The following LRP12 variants were observed in gnomAD, a reference collection of about 807,000 sequenced individuals.
LRP12 encodes low-density lipoprotein receptor-related protein 12.
In LRP12, 14 loss-of-function variants were observed where a neutral mutation model predicts 66.0. The observed-to-expected ratio is 0.21, with a 90% CI of 0.14 to 0.33. The LOEUF is 0.33. LRP12 is among the 10% of genes least tolerant of loss of function. The pLI, the probability that LRP12 is intolerant of heterozygous loss-of-function variation, is 1.00. For missense variants in LRP12, 889 were observed against 1,053.4 expected (o/e 0.84, Z 2.16); for synonymous variants, 357 against 359.1 (o/e 0.99, Z 0.07).
At chr8:104,588,787 G>T in intron 1 of LRP12, 32 bp downstream of exon 1, 1 of 1,604,910 alleles carries the variant, frequency 6.2e-7, no homozygotes, top group Non-Finnish European at 8.5e-7. Context: ...AGCTTTGTTC[G>T]GTCAGCGGGG....
In LRP12 at chr8:104,489,259, A is replaced by G. The variant is rs1810578240; in HGVS notation, c.*1414T>C. Reference sequence around the variant, plus strand: ...GATTTAAAAAGTACCTCAAGGCAATAAAAAAAATCATTTTAATTTTTGATA... The same window carrying G: ...GATTTAAAAAGTACCTCAAGGCAATGAAAAAAATCATTTTAATTTTTGATA... On this transcript the variant is annotated 3_prime_UTR_variant, in exon 7 of 7. Coordinates refer to ENST00000276654, the MANE Select transcript of LRP12 (RefSeq NM_013437.5). 1 of 152,264 alleles carries G rather than the reference A, an allele frequency of 6.6e-6. No homozygotes were observed. The highest frequency in any genetic ancestry group is 6.6e-5 in the Admixed American group (1 of 15,256). The allele number at this position is 152,264 out of a possible 1,614,324, so 9.4% of individuals were successfully genotyped here.
rs753744307 is a variant in LRP12, at chr8:104,497,034, C to G, written c.1518G>C (p.Leu506=). 2 of 1,587,778 alleles carry G rather than the reference C, an allele frequency of 1.3e-6. No individual in the cohort carries two copies. The highest frequency in any genetic ancestry group is 2.3e-5 in the South Asian group (2 of 86,660). ...AAVIGSLICG[L]LLVIALGCTC... ...TACATCCCAATGCTATGACGAGTAA[C>G]AGGCCACAGATGAGGCTCCCTATGA... Residue 506 remains leucine, a synonymous_variant, in exon 5 of 7, where the codon CTG becomes CTC. Transcript: ENST00000276654. This position sits in a 1 kb window ranked among gnomAD's most constrained non-coding sequence, Gnocchi z 4.3.
chr8:104,548,338 A>ACT (rs1434143400), intron 1 of LRP12, among the ~76,000 whole-genome samples: 1 of 8,766 alleles, frequency 1.1e-4, no homozygotes. Context: ...ATATTATATA[A>ACT]ATATATAAAT....
At chr8:104,581,121 A>G (rs767207578) in intron 1 of LRP12, among the ~76,000 whole-genome samples, 7 of 152,368 alleles carry the variant, frequency 4.6e-5, no homozygotes, top group Non-Finnish European at 1.0e-4. Flanking sequence ...GAACAAGAAC[A>G]TGTCCTTTAC....
At chr8:104,545,232 G>C (rs965962694) in intron 1 of LRP12, among the ~76,000 whole-genome samples, 1 of 152,176 alleles carries the variant, frequency 6.6e-6, no homozygotes, top group African/African-American at 2.4e-5. Flanking sequence ...TAATGGATGA[G>C]GAGTTGTTTT....
chr8:104,552,369 T>TG (rs1564143403), intron 1 of LRP12, among the ~76,000 whole-genome samples: 5 of 151,700 alleles, frequency 3.3e-5, no homozygotes, highest in African/African-American at 1.2e-4. Context: ...ATGTCTTTTT[T>TG]TTGTTGTTTT....
intron 1 of LRP12, among the ~76,000 whole-genome samples, chr8:104,545,086 C>T (rs1013497252): frequency 1.3e-5 from 2 of 152,148 alleles, no homozygotes; most frequent in African/African-American, 4.8e-5. Flanking sequence ...TTCCAACCCT[C>T]ATGTATGACC....
intron 1 of LRP12, among the ~76,000 whole-genome samples, chr8:104,548,410 GA>G (rs1564142355): frequency 2.4e-4 from 19 of 80,374 alleles, no homozygotes; most frequent in African/African-American, 1.4e-3. Flanking sequence ...ATAAATATAT[GA>G]TATATTAATA....
chr8:104,514,714 A>G (rs1811052828), intron 2 of LRP12, among the ~76,000 whole-genome samples: 1 of 152,072 alleles, frequency 6.6e-6, no homozygotes, highest in African/African-American at 2.4e-5. Context: ...AAAGAAAAAC[A>G]AAAAAACCAA....
chr8:104,546,296 T>G (rs531520300), intron 1 of LRP12, among the ~76,000 whole-genome samples: 53 of 152,268 alleles, frequency 3.5e-4, no homozygotes, highest in Non-Finnish European at 6.2e-4. Flanking sequence ...CTTCAAGGGT[T>G]TGATAAGTGC....
chr8:104,589,004 A>C lies in LRP12; in HGVS notation c.-107T>G. 1.9e-6 allele frequency: 1 copy of C among 520,662 alleles called. No homozygotes were observed. The highest frequency in any genetic ancestry group is 3.2e-6 in the Non-Finnish European group (1 of 315,430). 32.3% of individuals were successfully genotyped at this position (520,662 alleles called of 1,614,324 possible). ...CCGCCGCCGCCGCCGCCGCCGAGCC[A>C]CCGGCTGCTCCCTGCGCTCTCCGCG... On this transcript the variant is annotated 5_prime_UTR_variant, in exon 1 of 7. Transcript: ENST00000276654.
At chr8:104,531,656 G>C (rs1811326189) in intron 2 of LRP12, among the ~76,000 whole-genome samples, 1 of 152,018 alleles carries the variant, frequency 6.6e-6, no homozygotes, top group South Asian at 2.1e-4. Flanking sequence ...CTTTTCTCTA[G>C]GTTCAATGTT....
intron 2 of LRP12, among the ~76,000 whole-genome samples, chr8:104,518,067 TAGC>T (rs1322482348): frequency 6.6e-6 from 1 of 152,114 alleles, no homozygotes; most frequent in Non-Finnish European, 1.5e-5. Flanking sequence ...AGGAAAATAA[TAGC>T]AGTTTGAAAA....
At chr8:104,548,265 TG>T (rs1564141973) in intron 1 of LRP12, among the ~76,000 whole-genome samples, 2 of 95,630 alleles carry the variant, frequency 2.1e-5, no homozygotes, top group Admixed American at 1.7e-4. Flanking sequence ...TATTAATATA[TG>T]ATATATATTA....
chr8:104,497,207 A>C lies in LRP12; in HGVS notation c.1345T>G (p.Phe449Val). The C allele has an allele frequency of 6.2e-7, 1 of 1,612,102 alleles. No individual in the cohort carries two copies. Among genetic ancestry groups the C allele is most frequent in the Non-Finnish European group, 8.5e-7 (1 of 1,178,968 alleles). ...CPNGSDEKNC[F>V]FCQPGNFHCK... ...TGGAAATTTCCTGGTTGGCAAAAAAAGCAGTTTTTTTCATCTGAGCCATTT... is the reference window on the plus strand; with the variant it reads ...TGGAAATTTCCTGGTTGGCAAAAAACGCAGTTTTTTTCATCTGAGCCATTT... The change falls in exon 5 of 7, where the codon TTT becomes GTT. Residue 449 changes from phenylalanine (F) to valine (V), a missense_variant. By Grantham distance (50) the Phe-to-Val change is conservative. This residue lies in a region of LRP12 where 800 missense variants were observed against 964.5 expected (regional missense o/e 0.83). Transcript: ENST00000276654. The surrounding 1 kb of genome is among the most constrained non-coding windows in gnomAD (Gnocchi z 4.3).
Position 104,531,039 on chromosome 8 carries a change from T to C in LRP12, c.136+868A>G, listed in dbSNP as rs115006492. ...GTATTTGTTAAGTCTATTAACTTTC[T>C]GAATACAAAGTCAGACATAAAACAA... On this transcript the variant is annotated intron_variant, in intron 2 of 6. Coordinates refer to ENST00000276654, the MANE Select transcript of LRP12 (RefSeq NM_013437.5). Among the ~76,000 whole-genome samples the C allele has an allele frequency of 4.8e-3, 735 of 152,242 alleles. 5 individuals carry two copies. Among genetic ancestry groups the C allele is most frequent in the African/African-American group, 0.017 (719 of 41,552 alleles).
At chr8:104,549,822 A>G (rs1811700563) in intron 1 of LRP12, among the ~76,000 whole-genome samples, 1 of 152,176 alleles carries the variant, frequency 6.6e-6, no homozygotes, top group Admixed American at 6.5e-5. Flanking sequence ...TAATTGACTC[A>G]GCTCTATCTC....
At chr8:104,548,139 AATTAT>A (rs1378202527) in intron 1 of LRP12, among the ~76,000 whole-genome samples, 4 of 95,838 alleles carry the variant, frequency 4.2e-5, no homozygotes, top group African/African-American at 2.0e-4. Flanking sequence ...ATATAATTAT[AATTAT>A]ATTATATATT....
Position 104,498,193 on chromosome 8 carries a change from G to C in LRP12, c.476-117C>G, listed in dbSNP as rs918013363. 3 of 1,052,760 alleles carry C rather than the reference G, an allele frequency of 2.8e-6. No homozygotes were observed. In the South Asian group the frequency reaches 5.5e-5, roughly 19 times the overall value. The allele number at this position is 1,052,760 out of a possible 1,614,324, so 65.2% of individuals were successfully genotyped here. A position where few individuals can be genotyped will look rare whatever the true frequency, so the allele number is the denominator to read the frequency against. On this transcript the variant is annotated intron_variant, in intron 4 of 6. Coordinates refer to ENST00000276654, the MANE Select transcript of LRP12 (RefSeq NM_013437.5). The stretch of plus-strand genomic sequence containing the variant: ...AAATGTTCATAAAGCCCAAGTGCTA[G>C]AAGTTTTAAAAAACAGGTTGGTTTT...
Sources: gnomAD v4.1 joint callset for allele counts (sites outside exome capture counted in the v4.1 genomes callset) on GRCh38, gnomAD v4.1.1 for gene constraint, gnomAD v4.1.1 regional missense constraint, Gnocchi (gnomAD v3.1) non-coding constraint, MANE v1.5 for transcripts, NCBI Gene and HGNC (gene_info 2026-07-23, HGNC 2026-07-21) for gene names.